Variants in UBASH3B observed in about 807,000 individuals in gnomAD.
UBASH3B encodes the protein ubiquitin-associated and SH3 domain-containing protein B.
Under a neutral mutation model 83.4 loss-of-function variants are expected in UBASH3B, and 37 were observed. That is an observed-to-expected ratio of 0.44 (90% CI 0.34 to 0.58). The LOEUF is 0.58. UBASH3B is among the 20% of genes least tolerant of loss of function. The probability of loss-of-function intolerance (pLI) is 0.01; values close to 1 mark genes in which losing one functional copy is unlikely to be tolerated. For missense variants in UBASH3B, 657 were observed against 827.2 expected, an observed-to-expected ratio of 0.79 and a Z score of 2.52; for synonymous variants, 304 against 318.3, an observed-to-expected ratio of 0.96 and a Z score of 0.48.
intron 7 of UBASH3B, among the ~76,000 whole-genome samples, chr11:122,795,488 G>A (rs536203632): frequency 6.6e-6 from 1 of 152,214 alleles, no homozygotes; most frequent in Non-Finnish European, 1.5e-5. Flanking sequence ...CAGAAAGACG[G>A]AATGCAGAAA....
chr11:122,746,262 A>C (rs1038859299), intron 1 of UBASH3B, among the ~76,000 whole-genome samples: 1 of 152,190 alleles, frequency 6.6e-6, no homozygotes, highest in East Asian at 1.9e-4. Context: ...GTTCAGACTG[A>C]AACTCACACG....
At chr11:122,706,118 T>TTC (rs1555138216) in intron 1 of UBASH3B, among the ~76,000 whole-genome samples, 1 of 135,622 alleles carries the variant, frequency 7.4e-6, no homozygotes, top group African/African-American at 2.8e-5. Context: ...TTTTTTTTTT[T>TTC]TCTTTTTTTT....
At chr11:122,677,646 T>C (rs564734201) in intron 1 of UBASH3B, among the ~76,000 whole-genome samples, 1 of 152,314 alleles carries the variant, frequency 6.6e-6, no homozygotes, top group African/African-American at 2.4e-5. Context: ...CATTCATTCA[T>C]CTCTTTAATA....
At position 122,812,419 on chromosome 11, in the gene UBASH3B, T is replaced by A. The variant is rs1861465896; in HGVS notation, c.*2533T>A. ...GAAAGAGACAACTATATTACTCAAT[T>A]TCATATACATCCAAAAAGTATAGGC... On this transcript the variant is annotated 3_prime_UTR_variant, in exon 14 of 14. Coordinates refer to ENST00000284273, the MANE Select transcript of UBASH3B (RefSeq NM_032873.5). The A allele has an allele frequency of 6.6e-6, 1 of 152,238 alleles. No individual in the cohort carries two copies. Among genetic ancestry groups the A allele is most frequent in the Admixed American group, 6.5e-5 (1 of 15,286 alleles). 9.4% of individuals were successfully genotyped at this position (152,238 alleles called of 1,614,324 possible).
intron 1 of UBASH3B, among the ~76,000 whole-genome samples, chr11:122,659,514 A>G (rs1022016507): frequency 6.6e-6 from 1 of 152,106 alleles, no homozygotes; most frequent in Non-Finnish European, 1.5e-5. Context: ...AGTAACTTAG[A>G]CCAGTATGAA....
rs1052189212 is a variant in UBASH3B, at chr11:122,725,850, C to T, written c.162-50369C>T. ...CAGGGATTATAGGTGTGCACCACCA[C>T]GCCGGCCAATTTTTTCTATCTTTAG... On this transcript the variant is annotated intron_variant, in intron 1 of 13. Coordinates refer to ENST00000284273, the MANE Select transcript of UBASH3B (RefSeq NM_032873.5). 4.6e-5 allele frequency among the ~76,000 whole-genome samples: 7 copies of T among 152,020 alleles called. No individual in the cohort carries two copies. The East Asian group carries it at 1.2e-3, about 25-fold the overall frequency.
intron 1 of UBASH3B, among the ~76,000 whole-genome samples, chr11:122,693,516 G>A (rs912834687): frequency 1.3e-5 from 2 of 152,222 alleles, no homozygotes; most frequent in East Asian, 3.9e-4. Context: ...AATGGACAAA[G>A]TCATGGAGGG....
At chr11:122,679,975 C>T (rs1007929326) in intron 1 of UBASH3B, among the ~76,000 whole-genome samples, 6 of 152,174 alleles carry the variant, frequency 3.9e-5, no homozygotes, top group African/African-American at 1.2e-4. Flanking sequence ...GGATTACAGG[C>T]ACCCACCACC....
intron 1 of UBASH3B, among the ~76,000 whole-genome samples, chr11:122,658,383 TTTCTC>T (rs1472625226): frequency 6.6e-6 from 1 of 152,188 alleles, no homozygotes; most frequent in Non-Finnish European, 1.5e-5. Context: ...AGGGACATCT[TTTCTC>T]CTGCTCTGAG....
intron 1 of UBASH3B, among the ~76,000 whole-genome samples, chr11:122,766,960 T>C (rs1157679229): frequency 3.3e-5 from 5 of 152,148 alleles, no homozygotes; most frequent in African/African-American, 1.2e-4. Context: ...CAGCTGTGGG[T>C]GTAGAAGAGC....
chr11:122,775,127 T>C (rs1860711630), intron 1 of UBASH3B, among the ~76,000 whole-genome samples: 1 of 152,226 alleles, frequency 6.6e-6, no homozygotes, highest in African/African-American at 2.4e-5. Flanking sequence ...TCCTAGAGCC[T>C]AGCACAGTGC....
At chr11:122,676,620 G>A (rs1863671220) in intron 1 of UBASH3B, among the ~76,000 whole-genome samples, 1 of 152,094 alleles carries the variant, frequency 6.6e-6, no homozygotes, top group African/African-American at 2.4e-5. Flanking sequence ...TGAGGTGGGA[G>A]GATTGCTTGA....
intron 1 of UBASH3B, among the ~76,000 whole-genome samples, chr11:122,746,895 G>A (rs1006238682): frequency 6.6e-6 from 1 of 152,178 alleles, no homozygotes; most frequent in Non-Finnish European, 1.5e-5. Flanking sequence ...GATTCAGAAA[G>A]GATTTCGCTG....
chr11:122,752,476 G>A (rs533996713), intron 1 of UBASH3B, among the ~76,000 whole-genome samples: 55 of 152,238 alleles, frequency 3.6e-4, no homozygotes, highest in African/African-American at 1.3e-3. Context: ...GTGGGACCTG[G>A]GTCACACTTG....
In UBASH3B at chr11:122,798,952, A is replaced by G; in HGVS notation, c.1368A>G (p.Leu456=). ...TGGTTTTCTTTGCAGGTGAAGCCTT[A>G]TTAGAGAGCAATACCATTATCGATC... ...CMQARLVGEA[L]LESNTIIDHV... is the part of the protein sequence containing the mutation. Residue 456 remains leucine (L), a synonymous_variant, in exon 10 of 14, where the codon TTA becomes TTG. Coordinates refer to ENST00000284273, the MANE Select transcript of UBASH3B (RefSeq NM_032873.5). 6.2e-7 allele frequency: 1 copy of G among 1,613,980 alleles called. No individual in the cohort carries two copies. The highest frequency in any genetic ancestry group is 8.5e-7 in the Non-Finnish European group (1 of 1,179,924).
intron 1 of UBASH3B, among the ~76,000 whole-genome samples, chr11:122,760,721 TGAA>T (rs1020666760): frequency 2.0e-5 from 3 of 152,156 alleles, no homozygotes; most frequent in East Asian, 1.9e-4. Context: ...AGGGTGAAAC[TGAA>T]GAAGGAGACA....
chr11:122,661,880 A>C (rs542959032), intron 1 of UBASH3B, among the ~76,000 whole-genome samples: 133 of 151,268 alleles, frequency 8.8e-4, no homozygotes, highest in African/African-American at 3.0e-3. Flanking sequence ...AAAACAAAAA[A>C]AAAAATACCT....
At chr11:122,736,293 A>C (rs1860930590) in intron 1 of UBASH3B, among the ~76,000 whole-genome samples, 1 of 151,996 alleles carries the variant, frequency 6.6e-6, no homozygotes, top group Non-Finnish European at 1.5e-5. Flanking sequence ...AGAACTGTGT[A>C]ACTCATCCCT....
chr11:122,773,910 C>T (rs1328522597), intron 1 of UBASH3B: 3 of 885,408 alleles, frequency 3.4e-6, no homozygotes, highest in African/African-American at 3.6e-5. Context: ...ATATAAATAG[C>T]ACATTGTCTG....
Sources: gnomAD v4.1 joint callset for allele counts (sites outside exome capture counted in the v4.1 genomes callset) on GRCh38, gnomAD v4.1.1 for gene constraint, MANE v1.5 for transcripts, NCBI Gene and HGNC (gene_info 2026-07-23, HGNC 2026-07-21) for gene names.